Variants in MYO9A observed in about 807,000 individuals in gnomAD.
MYO9A encodes unconventional myosin-IXa.
Under a neutral mutation model 293.3 loss-of-function variants are expected in MYO9A, and 103 were observed. The observed-to-expected ratio is 0.35, with a 90% CI of 0.30 to 0.41. The LOEUF is 0.41. MYO9A is among the 10% of genes least tolerant of loss of function. The pLI is 1.00. For missense variants in MYO9A, 2,685 were observed against 3,033.0 expected (o/e 0.89, Z 2.69); for synonymous variants, 1,001 against 1,035.7 (o/e 0.97, Z 0.64).
At chr15:72,040,677 C>A (rs1283604871) in intron 2 of MYO9A, among the ~76,000 whole-genome samples, 3 of 152,130 alleles carry the variant, frequency 2.0e-5, no homozygotes, top group Non-Finnish European at 4.4e-5. Flanking sequence ...CTCACTGCAA[C>A]CTTTGCCTCC....
At chr15:71,905,750 G>A (rs1290325443) in intron 19 of MYO9A, among the ~76,000 whole-genome samples, 3 of 102,036 alleles carry the variant, frequency 2.9e-5, no homozygotes, top group Non-Finnish European at 3.6e-5. Flanking sequence ...GCAACAAAGT[G>A]AGACTCTGTC....
rs770761805 is a variant in MYO9A, at chr15:71,938,882, C to T, written c.2348G>A (p.Gly783Asp). Reference protein sequence around the residue: ...NPRTPLSDLQGMNALNEKNQH... With the variant: ...NPRTPLSDLQDMNALNEKNQH... ...GTTTTTTTCATTTAGAGCATTCATG[C>T]CCTGGAGATCAGAAAGAGGTGTTCT... The change falls in exon 16 of 42, where the codon GGC becomes GAC. Residue 783 changes from glycine to aspartate, a missense_variant. Around this residue, in one of 10 missense-constraint regions of MYO9A, gnomAD observed 1,434 missense variants for 1,497.7 expected, o/e 0.96. Transcript: ENST00000356056. The T allele has an allele frequency of 6.8e-6, 11 of 1,610,386 alleles. No individual in the cohort carries two copies. Among genetic ancestry groups the T allele is most frequent in the Non-Finnish European group, 8.5e-6 (10 of 1,178,556 alleles).
At chr15:72,027,479 A>G (rs1262657674) in intron 4 of MYO9A, among the ~76,000 whole-genome samples, 1 of 152,230 alleles carries the variant, frequency 6.6e-6, no homozygotes, top group Non-Finnish European at 1.5e-5. Flanking sequence ...ATTGCTCACC[A>G]AGAGGAATGA....
At chr15:71,853,026 G>A (rs933011465) in intron 35 of MYO9A, among the ~76,000 whole-genome samples, 8 of 152,200 alleles carry the variant, frequency 5.3e-5, no homozygotes, top group Non-Finnish European at 1.0e-4. Flanking sequence ...CCCAGGAGAC[G>A]GAGGTTGCAG....
At chr15:72,038,568 A>C (rs143191702) in intron 2 of MYO9A, among the ~76,000 whole-genome samples, 1 of 152,214 alleles carries the variant, frequency 6.6e-6, no homozygotes, top group African/African-American at 2.4e-5. Context: ...CTGCTCCCCC[A>C]CACACAAAAA....
chr15:72,095,788 G>A lies in MYO9A; in HGVS notation c.-72+21892C>T, dbSNP rs139880278. On this transcript the variant is annotated intron_variant, in intron 1 of 41. Transcript: ENST00000356056. ...AATCCTAGGGCTCTTGAGAATTAAC[G>A]CTAAATCAAGGCCAGATGTGGTGGC... 3.5e-4 allele frequency among the ~76,000 whole-genome samples: 15 copies of A among 43,350 alleles called. 7 individuals are homozygous for A. The highest frequency in any genetic ancestry group is 2.1e-3 in the Non-Finnish European group (13 of 6,216). 28.4% of individuals were successfully genotyped at this position (43,350 alleles called of 152,430 possible). A position where few individuals can be genotyped will look rare whatever the true frequency, so the allele number is the denominator to read the frequency against.
intron 11 of MYO9A, among the ~76,000 whole-genome samples, chr15:71,982,489 C>T (rs2076300884): frequency 6.6e-6 from 1 of 151,894 alleles, no homozygotes; most frequent in African/African-American, 2.4e-5. Context: ...ATATCCCACG[C>T]AAACTTGAAA....
intron 1 of MYO9A, among the ~76,000 whole-genome samples, chr15:72,066,496 A>AAAAGAAAG (rs1555417584): frequency 6.6e-6 from 1 of 151,234 alleles, no homozygotes; most frequent in Non-Finnish European, 1.5e-5. Flanking sequence ...AAAAAAAAAA[A>AAAAGAAAG]AAAGAAAGAA....
At chr15:71,846,142 T>C (rs1237812040) in intron 39 of MYO9A, among the ~76,000 whole-genome samples, 2 of 152,190 alleles carry the variant, frequency 1.3e-5, no homozygotes, top group Non-Finnish European at 2.9e-5. Context: ...AACCATATCT[T>C]GCAAGGGACT....
chr15:71,949,363 C>T (rs941964910), intron 15 of MYO9A, among the ~76,000 whole-genome samples: 1 of 151,758 alleles, frequency 6.6e-6, no homozygotes, highest in Admixed American at 6.6e-5. Flanking sequence ...ACCACCACAC[C>T]TGGCTAAATT....
At chr15:71,937,585 C>T (rs1338783809) in intron 16 of MYO9A, among the ~76,000 whole-genome samples, 1 of 152,034 alleles carries the variant, frequency 6.6e-6, no homozygotes, top group Non-Finnish European at 1.5e-5. Flanking sequence ...GTAAACATAA[C>T]TTTTATATGC....
chr15:72,064,463 T>A (rs969348137), intron 1 of MYO9A, among the ~76,000 whole-genome samples: 8 of 152,090 alleles, frequency 5.3e-5, no homozygotes, highest in African/African-American at 1.9e-4. Flanking sequence ...TCCATAAAAA[T>A]TAAAGTTTTA....
In MYO9A at chr15:71,849,937, G is replaced by GAATTT. The variant is rs2055562060; in HGVS notation, c.6713+94_6713+98dup. On this transcript the variant is annotated intron_variant, in intron 38 of 41. Coordinates refer to ENST00000356056, the MANE Select transcript of MYO9A (RefSeq NM_006901.4). ...TCCAACAATCTTCTTAAAAACACCT[G>GAATTT]AATTTATGAACCCATTCACTATGTT... 9.5e-6 allele frequency: 9 copies of GAATTT among 944,438 alleles called. No homozygotes were observed. The Admixed American group carries it at 2.3e-4, about 24-fold the overall frequency. 58.5% of individuals were successfully genotyped at this position (944,438 alleles called of 1,614,324 possible). A position where few individuals can be genotyped will look rare whatever the true frequency, so the allele number is the denominator to read the frequency against.
At chr15:71,894,177 G>T (rs980144061) in intron 25 of MYO9A, among the ~76,000 whole-genome samples, 6 of 152,104 alleles carry the variant, frequency 3.9e-5, no homozygotes, top group Non-Finnish European at 8.8e-5. Flanking sequence ...AGCCATCCAG[G>T]GATGAGGATC....
intron 11 of MYO9A, among the ~76,000 whole-genome samples, chr15:71,983,466 A>ATTTTT (rs1217052840): frequency 1.2e-5 from 1 of 84,578 alleles, no homozygotes; most frequent in Non-Finnish European, 2.5e-5. Context: ...TATTTTTTTT[A>ATTTTT]TTTCTTTTTT....
chr15:72,085,748 C>T (rs549150706), intron 1 of MYO9A, among the ~76,000 whole-genome samples: 31 of 152,298 alleles, frequency 2.0e-4, no homozygotes, highest in East Asian at 1.2e-3. Context: ...CTCAACTTTG[C>T]GGGCTGATGT....
chr15:71,920,610 A>G (rs547083517), intron 18 of MYO9A, among the ~76,000 whole-genome samples: 5 of 152,250 alleles, frequency 3.3e-5, no homozygotes, highest in African/African-American at 1.2e-4. Context: ...CAAACAAACT[A>G]AGGCATTTCT....
chr15:72,066,622 G>A (rs1050226668), intron 1 of MYO9A, among the ~76,000 whole-genome samples: 9 of 152,148 alleles, frequency 5.9e-5, no homozygotes, highest in African/African-American at 2.2e-4. Context: ...TTTCCTTAGC[G>A]GAGAGGAAGT....
At chr15:71,859,553 A>ACCAC (rs2056025722) in intron 34 of MYO9A, among the ~76,000 whole-genome samples, 182 bp downstream of exon 34, 1 of 152,240 alleles carries the variant, frequency 6.6e-6, no homozygotes, top group Non-Finnish European at 1.5e-5. Flanking sequence ...TCATTTTTGT[A>ACCAC]CATATATCAC....
Sources: allele counts gnomAD v4.1 joint callset (sites outside exome capture counted in the v4.1 genomes callset), GRCh38; gene constraint gnomAD v4.1.1; regional missense constraint gnomAD v4.1.1; transcripts MANE v1.5; gene names NCBI Gene and HGNC (gene_info 2026-07-23, HGNC 2026-07-21).